The following LINGO2 variants were observed in gnomAD, a reference collection of about 807,000 sequenced individuals.
LINGO2 encodes leucine rich repeat and Ig domain containing 2.
Under a neutral mutation model 30.6 loss-of-function variants are expected in LINGO2, and 14 were observed. The ratio of observed to expected loss-of-function variants is 0.46; its 90% confidence interval spans 0.30 to 0.72. LINGO2 has a LOEUF of 0.72. Among genes scored for constraint, LINGO2 ranks in the 30% least tolerant of loss-of-function variants. LINGO2 has a pLI of 0.07. For missense variants in LINGO2, 729 were observed against 751.7 expected (o/e 0.97, Z 0.35); for synonymous variants, 317 against 288.5 (o/e 1.10, Z -1.00).
At chr9:28,480,341 C>A (rs560987663) in intron 1 of LINGO2, among the ~76,000 whole-genome samples, 45 of 151,882 alleles carry the variant, frequency 3.0e-4, no homozygotes, top group Non-Finnish European at 5.6e-4. Context: ...ACTTAAGTGC[C>A]TTCATAATAT....
chr9:28,233,489 C>G (rs1264609597), intron 4 of LINGO2, among the ~76,000 whole-genome samples: 1 of 149,458 alleles, frequency 6.7e-6, no homozygotes, highest in Non-Finnish European at 1.5e-5. Context: ...AATTTGAACA[C>G]ATGCAAAAGC....
the LINGO2 span, among the ~76,000 whole-genome samples, chr9:29,187,230 A>G: frequency 8.5e-5 from 13 of 152,328 alleles, no homozygotes; most frequent in South Asian, 2.1e-4. Flanking sequence ...TTCTAATTAC[A>G]TCTTTAAAAA....
At chr9:29,181,662 G>C in the LINGO2 span, among the ~76,000 whole-genome samples, 5 of 152,178 alleles carry the variant, frequency 3.3e-5, no homozygotes, top group East Asian at 9.7e-4. Flanking sequence ...GATGTACTAG[G>C]AAACAAAGTA....
chr9:28,823,983 A>G, the LINGO2 span, among the ~76,000 whole-genome samples: 1 of 152,164 alleles, frequency 6.6e-6, no homozygotes, highest in East Asian at 1.9e-4. Context: ...ATATATACAT[A>G]CAAACTAAAC....
chr9:28,573,772 A>T (rs1225056235), intron 1 of LINGO2, among the ~76,000 whole-genome samples: 1 of 152,164 alleles, frequency 6.6e-6, no homozygotes, highest in Admixed American at 6.6e-5. Flanking sequence ...GGAAGTCAGA[A>T]AACAGATGAA....
At chr9:28,291,429 T>C (rs1823724287) in intron 4 of LINGO2, among the ~76,000 whole-genome samples, 1 of 152,180 alleles carries the variant, frequency 6.6e-6, no homozygotes, top group African/African-American at 2.4e-5. Context: ...TGAACAGATA[T>C]TATGCCAGTT....
intron 4 of LINGO2, among the ~76,000 whole-genome samples, chr9:28,124,757 A>G (rs1237698729): frequency 1.4e-4 from 21 of 152,188 alleles, no homozygotes; most frequent in Non-Finnish European, 2.9e-5. Context: ...GCTGTTGGGG[A>G]GAGATGGAAT....
the LINGO2 span, among the ~76,000 whole-genome samples, chr9:29,046,788 T>C: frequency 5.3e-5 from 8 of 151,826 alleles, no homozygotes; most frequent in Admixed American, 5.3e-4. Context: ...AAAGAAACTA[T>C]TAACAGAGGG....
At chr9:29,015,590 A>C in the LINGO2 span, among the ~76,000 whole-genome samples, 1 of 152,178 alleles carries the variant, frequency 6.6e-6, no homozygotes, top group Non-Finnish European at 1.5e-5. Flanking sequence ...CACAGATCAC[A>C]ATTTGCTGAC....
intron 2 of LINGO2, among the ~76,000 whole-genome samples, chr9:28,414,934 AT>A (rs1364762448): frequency 3.3e-5 from 5 of 152,158 alleles, no homozygotes; most frequent in Admixed American, 6.6e-5. Flanking sequence ...AGTTAAAAAA[AT>A]AAGGGGTTAT....
chr9:28,035,530 T>TTC (rs1823888464), intron 4 of LINGO2, among the ~76,000 whole-genome samples: 2 of 152,228 alleles, frequency 1.3e-5, no homozygotes, highest in Non-Finnish European at 2.9e-5. Context: ...TTTTGGTAAA[T>TTC]GTAACAATTT....
chr9:28,072,779 G>T (rs1825516713), intron 4 of LINGO2, among the ~76,000 whole-genome samples: 2 of 152,074 alleles, frequency 1.3e-5, no homozygotes, highest in South Asian at 4.1e-4. Context: ...GAGGGCCCAG[G>T]ATCTGTTCTG....
chr9:28,974,990 T>C, the LINGO2 span, among the ~76,000 whole-genome samples: 78,106 of 151,788 alleles, frequency 0.51, 21,200 homozygotes, highest in Non-Finnish European at 0.6. Flanking sequence ...AATGAGTAAT[T>C]TGAAATATCT....
At chr9:28,601,419 C>T (rs1825466495) in intron 1 of LINGO2, among the ~76,000 whole-genome samples, 1 of 152,066 alleles carries the variant, frequency 6.6e-6, no homozygotes, top group Admixed American at 6.6e-5. Flanking sequence ...CTTCTGCGGT[C>T]TCTTGTTGAA....
At chr9:28,062,694 T>C (rs1825192695) in intron 4 of LINGO2, among the ~76,000 whole-genome samples, 1 of 147,898 alleles carries the variant, frequency 6.8e-6, no homozygotes, top group Non-Finnish European at 1.5e-5. Context: ...ATTTTGTATA[T>C]ATATATACAA....
chr9:28,317,803 C>A (rs776567529), intron 3 of LINGO2, among the ~76,000 whole-genome samples: 3 of 152,150 alleles, frequency 2.0e-5, no homozygotes, highest in Non-Finnish European at 4.4e-5. Flanking sequence ...TTCAAAGGCT[C>A]CCTGTCTGCT....
the LINGO2 span, among the ~76,000 whole-genome samples, chr9:28,910,251 T>C: frequency 6.6e-6 from 1 of 152,142 alleles, no homozygotes; most frequent in East Asian, 1.9e-4. Context: ...TTGATTTGCT[T>C]TATGTTAAAC....
intron 4 of LINGO2, among the ~76,000 whole-genome samples, chr9:28,285,529 C>T (rs151150657): frequency 0.027 from 4,038 of 151,392 alleles, 159 homozygotes; most frequent in African/African-American, 0.092. Flanking sequence ...CCTCAGCCTC[C>T]CCAGCAGCTG....
At chr9:28,302,081 T>A (rs1214765151) in intron 3 of LINGO2, among the ~76,000 whole-genome samples, 2 of 152,138 alleles carry the variant, frequency 1.3e-5, no homozygotes, top group Non-Finnish European at 2.9e-5. Context: ...AAAGGAGCAC[T>A]AAATGTAGAA....
Sources: gnomAD v4.1 joint callset for allele counts (sites outside exome capture counted in the v4.1 genomes callset) on GRCh38, gnomAD v4.1.1 for gene constraint, MANE v1.5 for transcripts, NCBI Gene and HGNC (gene_info 2026-07-23, HGNC 2026-07-21) for gene names.